Variants in DNAAF4 observed in about 807,000 individuals in gnomAD.
DNAAF4 encodes dynein axonemal assembly factor 4.
A neutral mutation model predicts 51.8 loss-of-function variants in DNAAF4; 43 were observed. The observed-to-expected ratio is 0.83, with a 90% CI of 0.65 to 1.07. The LOEUF (loss-of-function observed/expected upper bound fraction) is 1.07. DNAAF4 is among the 50% of genes least tolerant of loss of function. The pLI is 0.00. For synonymous variants in DNAAF4, 194 were observed against 165.6 expected, an observed-to-expected ratio of 1.17 and a Z score of -1.32; for missense variants, 581 against 493.0, an observed-to-expected ratio of 1.18 and a Z score of -1.69.
intron 5 of DNAAF4, among the ~76,000 whole-genome samples, chr15:55,465,571 T>TC (rs2058159353): frequency 6.6e-6 from 1 of 151,080 alleles, no homozygotes; most frequent in African/African-American, 2.4e-5. Flanking sequence ...TCACTTTTTT[T>TC]TTTTTTTTTT....
At chr15:55,428,178 T>A (rs1218967069), downstream of DNAAF4, among the ~76,000 whole-genome samples, 5 of 151,794 alleles carry the variant, frequency 3.3e-5, 1 homozygote, top group East Asian at 9.7e-4. Flanking sequence ...GCTCTCTAAC[T>A]CCTGACCTCA....
At chr15:55,497,888 A>C (rs746847234) in intron 2 of DNAAF4, 29 bp from the exon 3 acceptor site, 1 of 1,573,264 alleles carries the variant, frequency 6.4e-7, no homozygotes, top group Non-Finnish European at 8.6e-7. Context: ...ACAGAAACTA[A>C]GTTAGTTACA....
At chr15:55,439,697 T>A in intron 6 of DNAAF4, 116 bp from the exon 7 acceptor site, 1 of 821,390 alleles carries the variant, frequency 1.2e-6, no homozygotes, top group Non-Finnish European at 1.9e-6. Flanking sequence ...ATGCACTGAG[T>A]GTTTGTGTCT....
chr15:55,442,109 C>A (rs1405413482), intron 6 of DNAAF4, among the ~76,000 whole-genome samples: 1 of 151,946 alleles, frequency 6.6e-6, no homozygotes, highest in Admixed American at 6.6e-5. Flanking sequence ...CCTAAGGAGA[C>A]AGAGTTTTTT....
chr15:55,484,149 T>C (rs1223583031), intron 4 of DNAAF4, among the ~76,000 whole-genome samples: 4 of 151,836 alleles, frequency 2.6e-5, no homozygotes, highest in South Asian at 2.1e-4. Context: ...AAACATAAAA[T>C]GGTCCAAATG....
rs550451145 is a variant in DNAAF4, at chr15:55,498,214, T to G, written c.116A>C (p.Tyr39Ser). Reference sequence around the variant, plus strand: ...CAAGACTTGCATTCTTACCTTCAGATAGTTTTCCGTGCAGAACACGTCCGT... The same window carrying G: ...CAAGACTTGCATTCTTACCTTCAGAGAGTTTTCCGTGCAGAACACGTCCGT... The part of the protein sequence containing the change: ...RDTDVFCTEN[Y>S]LKVNFPPFLF... Residue 39 changes from tyrosine to serine, a missense_variant, in exon 2 of 10, where the codon TAT becomes TCT. Physicochemically the swap from Tyr to Ser is moderately radical, Grantham distance 144. Coordinates refer to ENST00000321149, the MANE Select transcript of DNAAF4 (RefSeq NM_130810.4). 1 of 1,613,972 alleles carries G rather than the reference T, an allele frequency of 6.2e-7. No individual in the cohort carries two copies. Among genetic ancestry groups the G allele is most frequent in the East Asian group, 2.2e-5 (1 of 44,852 alleles).
chr15:55,439,450 G>T, intron 7 of DNAAF4, 22 bp downstream of exon 7: 2 of 1,575,530 alleles, frequency 1.3e-6, no homozygotes, highest in South Asian at 2.2e-5. Flanking sequence ...TAAAGCTCAT[G>T]ATCAGAGTTC....
At chr15:55,465,906 C>A (rs1460390666) in intron 5 of DNAAF4, among the ~76,000 whole-genome samples, 2 of 151,918 alleles carry the variant, frequency 1.3e-5, no homozygotes, top group Non-Finnish European at 2.9e-5. Flanking sequence ...TATGAGGATG[C>A]CAAGGCATAA....
At chr15:55,486,769 CCT>C (rs1482209268) in intron 4 of DNAAF4, among the ~76,000 whole-genome samples, 2 of 150,560 alleles carry the variant, frequency 1.3e-5, no homozygotes, top group African/African-American at 2.5e-5. Flanking sequence ...GGCAACAGAC[CCT>C]GTCTCAAAAA....
chr15:55,499,447 T>C (rs1351895596), intron 1 of DNAAF4, among the ~76,000 whole-genome samples: 1 of 152,218 alleles, frequency 6.6e-6, no homozygotes, highest in Non-Finnish European at 1.5e-5. Flanking sequence ...ACCCTCCCTT[T>C]GTTCTCTGGA....
chr15:55,472,128 C>T (rs1020573765), intron 4 of DNAAF4, among the ~76,000 whole-genome samples: 2 of 152,222 alleles, frequency 1.3e-5, no homozygotes, highest in Non-Finnish European at 2.9e-5. Context: ...GCGTGAGCCA[C>T]CGTGCCCAGC....
At position 55,450,329 on chromosome 15, in the gene DNAAF4, C is replaced by T; in HGVS notation, c.676G>A (p.Glu226Lys). 1 of 1,613,334 alleles carries T rather than the reference C, an allele frequency of 6.2e-7. No homozygotes were observed. The highest frequency in any genetic ancestry group is 8.5e-7 in the Non-Finnish European group (1 of 1,179,860). Reference protein sequence around the residue: ...SENIFTEKLKEDSIPAPRSVG... With the variant: ...SENIFTEKLKKDSIPAPRSVG... ...GAGCGAGGAGCAGGAATACTGTCTT[C>T]CTTTAACTTCTCAGTAAATATATTT... Residue 226 changes from glutamate (E) to lysine (K), a missense_variant, in exon 6 of 10, where the codon GAA becomes AAA. By Grantham distance (56) the Glu-to-Lys change is moderately conservative. Transcript: ENST00000321149.
intron 6 of DNAAF4, among the ~76,000 whole-genome samples, chr15:55,448,853 G>A (rs542122778): frequency 6.6e-6 from 1 of 151,260 alleles, no homozygotes; most frequent in South Asian, 2.1e-4. Flanking sequence ...CTAGGGGACA[G>A]AGCGAGACTC....
At chr15:55,492,564 G>A (rs1049204601) in intron 3 of DNAAF4, among the ~76,000 whole-genome samples, 4 of 149,188 alleles carry the variant, frequency 2.7e-5, no homozygotes, top group African/African-American at 4.9e-5. Context: ...TTTTTGAGCC[G>A]GAGTCTTGCT....
chr15:55,442,612 T>TG, intron 6 of DNAAF4: 1 of 1,485,242 alleles, frequency 6.7e-7, no homozygotes, highest in South Asian at 1.1e-5. Flanking sequence ...GAGAATGAGA[T>TG]GGAGTTCACC....
At position 55,443,261 on chromosome 15, in the gene DNAAF4, C is replaced by T. The variant is rs543442182; in HGVS notation, c.784-3680G>A. On this transcript the variant is annotated intron_variant, in intron 6 of 9. Coordinates refer to ENST00000321149, the MANE Select transcript of DNAAF4 (RefSeq NM_130810.4). ...TCCTCAGAAGAAAATGACCTCAGCG[C>T]GGGTTGCGGCTCACTACCCGGCAGG... 2.2e-4 allele frequency: 357 copies of T among 1,588,614 alleles called. 2 individuals carry two copies. The South Asian group carries it at 3.3e-3, about 15-fold the overall frequency.
intron 4 of DNAAF4, among the ~76,000 whole-genome samples, chr15:55,487,362 T>C (rs2058505687): frequency 6.6e-6 from 1 of 152,110 alleles, no homozygotes; most frequent in African/African-American, 2.4e-5. Flanking sequence ...AGCTTAACAA[T>C]TGTAAACGCA....
intron 7 of DNAAF4, among the ~76,000 whole-genome samples, chr15:55,423,541 A>C (rs920525373): frequency 2.6e-5 from 4 of 152,156 alleles, no homozygotes. Context: ...CACCATGCTG[A>C]CCAGAGTATT....
chr15:55,425,071 G>C (rs4286057), intron 7 of DNAAF4, among the ~76,000 whole-genome samples: 1,851 of 151,888 alleles, frequency 0.012, 23 homozygotes, highest in Non-Finnish European at 0.016. Context: ...CTCCATGTTG[G>C]TCAGGCTGAT....
Sources: gnomAD v4.1 joint callset for allele counts (sites outside exome capture counted in the v4.1 genomes callset) on GRCh38, gnomAD v4.1.1 for gene constraint, MANE v1.5 for transcripts, NCBI Gene and HGNC (gene_info 2026-07-23, HGNC 2026-07-21) for gene names.